PACS2: variants seen among roughly 807,000 people sequenced by gnomAD.
The protein encoded by PACS2 is phosphofurin acidic cluster sorting protein 2, also known as PACS1-like protein.
In PACS2, 36 loss-of-function variants were observed where a neutral mutation model predicts 113.0. That is an observed-to-expected ratio of 0.32 (90% CI 0.24 to 0.42). The LOEUF (loss-of-function observed/expected upper bound fraction) is 0.42, where lower values mean the gene tolerates loss of function less well. Among genes scored for constraint, PACS2 ranks in the 10% least tolerant of loss-of-function variants. PACS2 has a pLI of 1.00. For missense variants in PACS2, 1,015 were observed against 1,239.5 expected, an observed-to-expected ratio of 0.82 and a Z score of 2.72; for synonymous variants, 589 against 536.1, an observed-to-expected ratio of 1.10 and a Z score of -1.36.
chr14:105,373,604 T>G (rs1475080974), intron 8 of PACS2, among the ~76,000 whole-genome samples: 1 of 152,034 alleles, frequency 6.6e-6, no homozygotes, highest in African/African-American at 2.4e-5. Flanking sequence ...TAAGTCCACA[T>G]AGTGAAATCG....
At chr14:105,390,898 G>T in intron 20 of PACS2, 1 of 446,548 alleles carries the variant, frequency 2.2e-6, no homozygotes, top group Non-Finnish European at 4.1e-6. Context: ...GGCCCGCCAA[G>T]GTCCCTCTCA....
At position 105,365,408 on chromosome 14, in the gene PACS2, G is replaced by GGCTGAGTGGAGCGGGGGCTAAT. The variant is rs1372441819; in HGVS notation, c.424-1804_424-1783dup. ...AGTGTTCACATATAGGTCGACCACA[G>GGCTGAGTGGAGCGGGGGCTAAT]GCTGAGTGGAGCGGGGGCTAATCAA... is the stretch of plus-strand genomic sequence containing the variant. On this transcript the variant is annotated intron_variant, in intron 4 of 24. Coordinates refer to ENST00000447393, the MANE Select transcript of PACS2 (RefSeq NM_001100913.3). This position sits in a 1 kb window ranked among gnomAD's most constrained non-coding sequence, Gnocchi z 5.1. Among the ~76,000 whole-genome samples the GGCTGAGTGGAGCGGGGGCTAAT allele has an allele frequency of 2.0e-5, 3 of 152,168 alleles. No individual in the cohort carries two copies. Among genetic ancestry groups the GGCTGAGTGGAGCGGGGGCTAAT allele is most frequent in the Non-Finnish European group, 4.4e-5 (3 of 68,010 alleles).
intron 8 of PACS2, chr14:105,375,070 C>G (rs1297176330): frequency 6.6e-6 from 1 of 152,350 alleles, no homozygotes; most frequent in African/African-American, 2.4e-5. Context: ...GGGAGGATCA[C>G]TTGAGCCCAG....
At chr14:105,368,593 G>A (rs1401184058) in intron 7 of PACS2, 54 bp downstream of exon 7, 18 of 1,402,786 alleles carry the variant, frequency 1.3e-5, no homozygotes, top group South Asian at 5.8e-5. Flanking sequence ...CGGGGAGGAC[G>A]CTGGGAGCCT....
intron 19 of PACS2, among the ~76,000 whole-genome samples, chr14:105,386,268 G>A (rs2141270036): frequency 6.6e-6 from 1 of 152,284 alleles, no homozygotes; most frequent in South Asian, 2.1e-4. Context: ...TAGTTAAGGA[G>A]CTGGCCTGGT....
chr14:105,368,698 C>T (rs2061039860), intron 7 of PACS2, among the ~76,000 whole-genome samples, 159 bp downstream of exon 7: 3 of 152,324 alleles, frequency 2.0e-5, no homozygotes, highest in South Asian at 2.1e-4. Flanking sequence ...AGTCTCCTGC[C>T]GGGTGCCACT....
intron 4 of PACS2, among the ~76,000 whole-genome samples, chr14:105,363,413 T>C (rs1011017910): frequency 1.3e-5 from 2 of 152,226 alleles, no homozygotes; most frequent in Non-Finnish European, 1.5e-5. Flanking sequence ...CTGCAGCTTC[T>C]CCGTCAGCAC....
intron 1 of PACS2, among the ~76,000 whole-genome samples, chr14:105,322,548 A>G (rs1054805909): frequency 6.6e-6 from 1 of 152,160 alleles, no homozygotes; most frequent in Non-Finnish European, 1.5e-5. Context: ...TTACAGGCAT[A>G]AGCCACCACG....
At chr14:105,314,143 T>A (rs1009121552), upstream of PACS2, among the ~76,000 whole-genome samples, 15 of 151,672 alleles carry the variant, frequency 9.9e-5, no homozygotes, top group Admixed American at 8.5e-4. Flanking sequence ...CCCGGCCACC[T>A]CCTTGCCACC....
Position 105,315,089 on chromosome 14 carries a change from C to G in PACS2, c.119+52C>G. ...CCCGCCGGGCACCTGCTGGGGGTGT[C>G]CTGGCCGCGGCCTCTGCGCGCCCCA... On this transcript the variant is annotated intron_variant, in intron 1 of 24. Transcript: ENST00000447393. The surrounding 1 kb of genome is among the most constrained non-coding windows in gnomAD (Gnocchi z 4.4). 9.5e-7 allele frequency: 1 copy of G among 1,053,824 alleles called. No homozygotes were observed. The highest frequency in any genetic ancestry group is 1.2e-6 in the Non-Finnish European group (1 of 867,808). 65.3% of individuals were successfully genotyped at this position (1,053,824 alleles called of 1,614,324 possible).
intron 8 of PACS2, among the ~76,000 whole-genome samples, chr14:105,375,481 CAAAAAAAA>C (rs34549878): frequency 5.8e-5 from 3 of 51,410 alleles, no homozygotes; most frequent in Non-Finnish European, 9.2e-5. Flanking sequence ...GACTCCATCT[CAAAAAAAA>C]AAAAAAAAAA....
At chr14:105,344,470 CTATT>C (rs1555402208) in intron 1 of PACS2, among the ~76,000 whole-genome samples, 2 of 152,090 alleles carry the variant, frequency 1.3e-5, no homozygotes, top group African/African-American at 4.8e-5. Context: ...TACCAGCTAT[CTATT>C]TCATCGTGGG....
intron 1 of PACS2, among the ~76,000 whole-genome samples, chr14:105,327,443 C>T (rs1189428003): frequency 2.6e-5 from 4 of 152,294 alleles, no homozygotes; most frequent in African/African-American, 7.2e-5. Context: ...CTCAGACCCT[C>T]GGCAAGTGGT....
rs1183153970 is a variant in PACS2, at chr14:105,395,391, C to G, written c.*719C>G. 1 of 151,778 alleles carries G rather than the reference C, an allele frequency of 6.6e-6. No individual in the cohort carries two copies. Among genetic ancestry groups the G allele is most frequent in the African/African-American group, 2.4e-5 (1 of 41,288 alleles). 9.4% of individuals were successfully genotyped at this position (151,778 alleles called of 1,614,324 possible). A position where few individuals can be genotyped will look rare whatever the true frequency, so the allele number is the denominator to read the frequency against. ...TTCTTGAAACACCATGAGGCTTCTG[C>G]GTGTAGTCCCTGCCCCAAACTTAGC... On this transcript the variant is annotated 3_prime_UTR_variant, in exon 25 of 25. Coordinates refer to ENST00000447393, the MANE Select transcript of PACS2 (RefSeq NM_001100913.3).
At chr14:105,341,449 T>C (rs1555401568) in intron 1 of PACS2, among the ~76,000 whole-genome samples, 1 of 152,266 alleles carries the variant, frequency 6.6e-6, no homozygotes, top group East Asian at 1.9e-4. Context: ...TAAAATATGC[T>C]TTGCTTCACT....
chr14:105,347,087 G>A (rs79706974), intron 1 of PACS2, among the ~76,000 whole-genome samples: 2,091 of 145,468 alleles, frequency 0.014, 73 homozygotes, highest in African/African-American at 0.052. Context: ...CTGCTGTCAA[G>A]TCAGGCGCGT....
rs375005808 is a variant in PACS2, at chr14:105,333,867, T to C, written c.120-14626T>C. On this transcript the variant is annotated intron_variant, in intron 1 of 24. Transcript: ENST00000447393. ...CAGTGTGAGGCGTGGCCCACAGGCC[T>C]TCCCAGAGGGGGTTCTGGGAGCCTC... Among the ~76,000 whole-genome samples the C allele has an allele frequency of 2.0e-3, 302 of 152,308 alleles. 1 individual carries two copies. Among genetic ancestry groups the C allele is most frequent in the South Asian group, 0.011 (53 of 4,822 alleles).
intron 6 of PACS2, 23 bp downstream of exon 6, chr14:105,368,170 C>T (rs1195502126): frequency 7.1e-6 from 11 of 1,547,876 alleles, no homozygotes; most frequent in Admixed American, 1.7e-5. Flanking sequence ...CGGGGCTCCG[C>T]GCCCTCTCCT....
At chr14:105,338,757 C>A (rs1200600696) in intron 1 of PACS2, among the ~76,000 whole-genome samples, 1 of 152,228 alleles carries the variant, frequency 6.6e-6, no homozygotes, top group Non-Finnish European at 1.5e-5. Flanking sequence ...GGTCCCCAGG[C>A]ATCTGCCAGG....
Sources: allele counts gnomAD v4.1 joint callset (sites outside exome capture counted in the v4.1 genomes callset), GRCh38; gene constraint gnomAD v4.1.1; non-coding constraint Gnocchi (gnomAD v3.1); transcripts MANE v1.5; gene names NCBI Gene and HGNC (gene_info 2026-07-23, HGNC 2026-07-21).